SEPTIN14: variants seen among roughly 807,000 people sequenced by gnomAD.
The protein encoded by SEPTIN14 is septin 14.
In SEPTIN14, 40 loss-of-function variants were observed where a neutral mutation model predicts 53.6. That is an observed-to-expected ratio of 0.75 (90% CI 0.58 to 0.97). SEPTIN14 has a LOEUF of 0.97. Among genes scored for constraint, SEPTIN14 ranks in the 50% least tolerant of loss-of-function variants. The pLI is 0.00. For missense variants in SEPTIN14, 471 were observed against 508.2 expected, an observed-to-expected ratio of 0.93 and a Z score of 0.70; for synonymous variants, 138 against 166.8, an observed-to-expected ratio of 0.83 and a Z score of 1.33.
intron 7 of SEPTIN14, among the ~76,000 whole-genome samples, chr7:55,809,127 T>C (rs1389012479): frequency 6.6e-6 from 1 of 152,068 alleles, no homozygotes; most frequent in Non-Finnish European, 1.5e-5. Context: ...TGAATGGAGC[T>C]GAAGCCATTA....
rs557399664 is a variant in SEPTIN14 at position 55,796,018 on chromosome 7, T to A, written c.1194A>T (p.Gln398His). 25 of 1,546,686 alleles carry A rather than the reference T, an allele frequency of 1.6e-5. No homozygotes were observed. The highest frequency in any genetic ancestry group is 2.2e-5 in the Non-Finnish European group (25 of 1,134,742). ...AAAAATCTATGATTTCTCCTTCCAG[T>A]TGTTTTTTCTCTTCCTCGAGCTTCC... ...EIRKLEEEKK[Q>H]LEGEIIDFYK... The change falls in exon 10 of 10, where the codon CAA (glutamine) becomes CAT (histidine). Residue 398 changes from glutamine to histidine, a missense_variant. Gln to His is a conservative substitution (Grantham distance 24). Coordinates refer to ENST00000388975, the MANE Select transcript of SEPTIN14 (RefSeq NM_207366.3).
chr7:55,808,486 A>AAT (rs1276549037), intron 7 of SEPTIN14, among the ~76,000 whole-genome samples: 1 of 152,172 alleles, frequency 6.6e-6, no homozygotes, highest in African/African-American at 2.4e-5. Context: ...TTTTCTTAGA[A>AAT]ATATATATAC....
intron 5 of SEPTIN14, among the ~76,000 whole-genome samples, 168 bp downstream of exon 5, chr7:55,842,774 G>A (rs1016398050): frequency 3.9e-5 from 6 of 152,116 alleles, no homozygotes; most frequent in East Asian, 3.9e-4. Context: ...TTAGCCGGGC[G>A]TGGTGGCAGG....
intron 2 of SEPTIN14, among the ~76,000 whole-genome samples, chr7:55,857,777 C>T (rs1296772898): frequency 4.6e-5 from 7 of 150,808 alleles, no homozygotes; most frequent in African/African-American, 1.5e-4. Context: ...TTAGTAGAGA[C>T]GGGGTTTCAC....
Position 55,846,597 on chromosome 7 carries a change from T to A in SEPTIN14, c.95A>T (p.His32Leu). 6.6e-7 allele frequency: 1 copy of A among 1,518,900 alleles called. No homozygotes were observed. 94.1% of individuals were successfully genotyped at this position (1,518,900 alleles called of 1,614,324 possible). Reference protein sequence around the residue: ...NNIRCLTTIGHFGFECLPNQL... With the variant: ...NNIRCLTTIGLFGFECLPNQL... ...ATTGGGCAAACATTCAAAACCAAAA[T>A]GTCCAATCGTAGTTAAACAACGAAT... The change falls in exon 3 of 10, where the codon CAT becomes CTT. Residue 32 changes from histidine to leucine, a missense_variant. Physicochemically the swap from His to Leu is moderately conservative, Grantham distance 99 (BLOSUM62 -3). Coordinates refer to ENST00000388975, the MANE Select transcript of SEPTIN14 (RefSeq NM_207366.3).
intron 2 of SEPTIN14, among the ~76,000 whole-genome samples, chr7:55,857,372 C>CGAAAA (rs995189496): frequency 1.5e-5 from 2 of 133,990 alleles, no homozygotes; most frequent in Non-Finnish European, 3.1e-5. Flanking sequence ...AACTCTGTCT[C>CGAAAA]GAAAAGAAAA....
At chr7:55,817,288 T>A (rs1250372192) in intron 7 of SEPTIN14, among the ~76,000 whole-genome samples, 8 of 152,104 alleles carry the variant, frequency 5.3e-5, no homozygotes, top group Middle Eastern at 3.4e-3. Context: ...CACTAATAGA[T>A]CAAATTTTTA....
intron 7 of SEPTIN14, among the ~76,000 whole-genome samples, chr7:55,809,361 AT>A (rs35956704): frequency 5.3e-4 from 66 of 124,482 alleles, no homozygotes; most frequent in East Asian, 6.8e-4. Context: ...AAAGTGAGCA[AT>A]TTTTTTTTTT....
intron 2 of SEPTIN14, among the ~76,000 whole-genome samples, chr7:55,852,731 G>T (rs1290133741): frequency 3.9e-5 from 6 of 152,030 alleles, no homozygotes; most frequent in Non-Finnish European, 8.8e-5. Flanking sequence ...CAAAGAAAGT[G>T]ATCAACAAAG....
At chr7:55,833,721 A>G (rs1464077624) in intron 6 of SEPTIN14, among the ~76,000 whole-genome samples, 1 of 151,896 alleles carries the variant, frequency 6.6e-6, no homozygotes, top group Admixed American at 6.6e-5. Context: ...AAAGAAAACA[A>G]AACAAAAAAT....
intron 6 of SEPTIN14, among the ~76,000 whole-genome samples, chr7:55,832,993 T>C (rs556731696): frequency 2.6e-5 from 4 of 152,130 alleles, no homozygotes; most frequent in Non-Finnish European, 5.9e-5. Context: ...AAAGGAATTC[T>C]ATAGTAGTAA....
chr7:55,829,995 G>A (rs373860773), intron 6 of SEPTIN14, among the ~76,000 whole-genome samples: 4 of 151,514 alleles, frequency 2.6e-5, no homozygotes, highest in African/African-American at 9.7e-5. Flanking sequence ...TGGCTAACAC[G>A]GTGAAACCCC....
chr7:55,815,672 G>A (rs1193840152), intron 7 of SEPTIN14, among the ~76,000 whole-genome samples: 1 of 152,104 alleles, frequency 6.6e-6, no homozygotes, highest in Non-Finnish European at 1.5e-5. Flanking sequence ...AGTTAAAAAA[G>A]CTTTTATCCA....
rs140251977 is a variant in SEPTIN14 at position 55,809,158 on chromosome 7, G to A, written c.818-1900C>T. Among the ~76,000 whole-genome samples the A allele has an allele frequency of 5.9e-3, 895 of 152,104 alleles. 11 individuals carry two copies. Among genetic ancestry groups the A allele is most frequent in the African/African-American group, 0.02 (846 of 41,498 alleles). ...CATTATCCTAAGTGATGTAATGCAG[G>A]AACAGAAAACCAAATACCACATACT... On this transcript the variant is annotated intron_variant, in intron 7 of 9. Coordinates refer to ENST00000388975, the MANE Select transcript of SEPTIN14 (RefSeq NM_207366.3).
At chr7:55,850,660 A>T (rs958983066) in intron 2 of SEPTIN14, 1 of 152,224 alleles carries the variant, frequency 6.6e-6, no homozygotes, top group African/African-American at 2.4e-5. Flanking sequence ...ATAATATTCC[A>T]TTTAACTATT....
chr7:55,862,663 G>C (rs1789770750), intron 1 of SEPTIN14, 25 bp downstream of exon 1: 2 of 152,198 alleles, frequency 1.3e-5, no homozygotes, highest in African/African-American at 4.8e-5. Context: ...AAAAAATTCA[G>C]ACTCAGAAAG....
chr7:55,828,118 A>G (rs1789022586), intron 6 of SEPTIN14, among the ~76,000 whole-genome samples: 1 of 152,124 alleles, frequency 6.6e-6, no homozygotes, highest in Non-Finnish European at 1.5e-5. Flanking sequence ...CTGAAATGAA[A>G]GATAATGAAT....
At chr7:55,801,470 T>C (rs1483344879) in intron 9 of SEPTIN14, among the ~76,000 whole-genome samples, 1 of 152,118 alleles carries the variant, frequency 6.6e-6, no homozygotes, top group East Asian at 1.9e-4. Context: ...TAATAAATTC[T>C]TATAACCACA....
chr7:55,807,961 A>G (rs1370520294), intron 7 of SEPTIN14, among the ~76,000 whole-genome samples: 1 of 152,166 alleles, frequency 6.6e-6, no homozygotes, highest in Non-Finnish European at 1.5e-5. Flanking sequence ...AAAAATAACA[A>G]TTGTAAATAT....
Sources: gnomAD v4.1 joint callset for allele counts (sites outside exome capture counted in the v4.1 genomes callset) on GRCh38, gnomAD v4.1.1 for gene constraint, MANE v1.5 for transcripts, NCBI Gene and HGNC (gene_info 2026-07-23, HGNC 2026-07-21) for gene names.